The following DOK6 variants were observed in gnomAD, a reference collection of about 807,000 sequenced individuals.
DOK6 encodes docking protein 6, also known as downstream of tyrosine kinase 6.
In DOK6, 22 loss-of-function variants were observed where a neutral mutation model predicts 44.0. The observed-to-expected ratio is 0.50, with a 90% confidence interval of 0.36 to 0.71. The LOEUF (loss-of-function observed/expected upper bound fraction) is 0.71, where lower values mean the gene tolerates loss of function less well. DOK6 is among the 30% of genes least tolerant of loss of function. DOK6 has a pLI of 0.00. For synonymous variants in DOK6, 166 were observed against 145.5 expected (o/e 1.14, Z -1.01); for missense variants, 340 against 416.4 (o/e 0.82, Z 1.60).
At chr18:69,705,138 C>T (rs572605096) in intron 5 of DOK6, 6 of 152,196 alleles carry the variant, frequency 3.9e-5, no homozygotes, top group Non-Finnish European at 8.8e-5. Context: ...CATATTCGAA[C>T]TGGACGTTGG....
At chr18:69,444,753 C>T (rs574280922) in intron 1 of DOK6, among the ~76,000 whole-genome samples, 2 of 151,464 alleles carry the variant, frequency 1.3e-5, no homozygotes, top group African/African-American at 4.9e-5. Flanking sequence ...AAGAAATTCT[C>T]CTGCCTCAGC....
At chr18:69,429,985 A>G (rs1039820667) in intron 1 of DOK6, among the ~76,000 whole-genome samples, 1 of 152,232 alleles carries the variant, frequency 6.6e-6, no homozygotes, top group Admixed American at 6.5e-5. Context: ...GTGAACCATA[A>G]AAACAATCTC....
intron 1 of DOK6, among the ~76,000 whole-genome samples, chr18:69,509,812 A>G (rs1011015390): frequency 5.3e-5 from 8 of 152,180 alleles, no homozygotes; most frequent in Non-Finnish European, 8.8e-5. Context: ...ACATATTTTT[A>G]TTCTAGGGTG....
At chr18:69,837,247 C>T (rs1460092816) in intron 7 of DOK6, among the ~76,000 whole-genome samples, 1 of 152,052 alleles carries the variant, frequency 6.6e-6, no homozygotes, top group African/African-American at 2.4e-5. Context: ...TTGAGGGGCC[C>T]ACATCTAGTG....
chr18:69,480,716 G>A (rs1599151037), intron 1 of DOK6, among the ~76,000 whole-genome samples: 1 of 152,208 alleles, frequency 6.6e-6, no homozygotes, highest in South Asian at 2.1e-4. Flanking sequence ...AAGGAGATAT[G>A]GAGATATGAC....
At chr18:69,494,935 C>T (rs917239846) in intron 1 of DOK6, among the ~76,000 whole-genome samples, 3 of 152,194 alleles carry the variant, frequency 2.0e-5, no homozygotes, top group African/African-American at 7.2e-5. Context: ...AGGCTCTACT[C>T]GGCTCACACT....
rs1054084289 is a variant in DOK6 at position 69,842,035 on chromosome 18, T to C, written c.*652T>C. The C allele has an allele frequency of 5.3e-5, 8 of 151,334 alleles. No homozygotes were observed. Among genetic ancestry groups the C allele is most frequent in the African/African-American group, 1.7e-4 (7 of 41,132 alleles). The allele number at this position is 151,334 out of a possible 1,614,324, so 9.4% of individuals were successfully genotyped here. On this transcript the variant is annotated 3_prime_UTR_variant, in exon 8 of 8. Coordinates refer to ENST00000382713, the MANE Select transcript of DOK6 (RefSeq NM_152721.6). ...ATATATAACAAGTATATATCAAACA[T>C]GTGCTGAGGGTGACAGGATATGCTC...
At chr18:69,406,825 A>C (rs1916214948) in intron 1 of DOK6, among the ~76,000 whole-genome samples, 1 of 152,208 alleles carries the variant, frequency 6.6e-6, no homozygotes, top group Non-Finnish European at 1.5e-5. Flanking sequence ...TCACACCTGT[A>C]ATCTCAACAT....
intron 2 of DOK6, among the ~76,000 whole-genome samples, chr18:69,589,475 A>G (rs1440426340): frequency 6.6e-6 from 1 of 152,104 alleles, no homozygotes; most frequent in Non-Finnish European, 1.5e-5. Context: ...TACTTGAAAA[A>G]ATCTAGAAAG....
chr18:69,566,664 C>T (rs977008296), intron 2 of DOK6, among the ~76,000 whole-genome samples: 3 of 152,112 alleles, frequency 2.0e-5, no homozygotes, highest in Admixed American at 1.3e-4. Context: ...AGTCTTGCCC[C>T]GAAAAAGCTT....
intron 2 of DOK6, among the ~76,000 whole-genome samples, chr18:69,576,447 A>G (rs960741658): frequency 6.6e-6 from 1 of 152,088 alleles, no homozygotes; most frequent in Non-Finnish European, 1.5e-5. Flanking sequence ...AATGTTTGCA[A>G]CCTAAATGAG....
chr18:69,636,585 G>T (rs1026058210), intron 3 of DOK6, among the ~76,000 whole-genome samples: 4 of 152,242 alleles, frequency 2.6e-5, no homozygotes, highest in Non-Finnish European at 4.4e-5. Context: ...TAGCAAAGAA[G>T]AGTTGTCTTA....
intron 3 of DOK6, among the ~76,000 whole-genome samples, chr18:69,616,808 T>A (rs7228021): frequency 2.8e-4 from 42 of 152,144 alleles, no homozygotes; most frequent in African/African-American, 9.2e-4. Context: ...AACTAAGCCC[T>A]CGATAATTGG....
intron 5 of DOK6, among the ~76,000 whole-genome samples, chr18:69,698,963 A>C (rs1285112208): frequency 6.6e-6 from 1 of 152,160 alleles, no homozygotes; most frequent in African/African-American, 2.4e-5. Context: ...CCTTGCTTGC[A>C]TTGTTTTTGT....
chr18:69,600,424 A>G (rs934365731), intron 3 of DOK6, among the ~76,000 whole-genome samples: 1 of 152,106 alleles, frequency 6.6e-6, no homozygotes, highest in Non-Finnish European at 1.5e-5. Context: ...GCCTTTATCC[A>G]TCTGTCCCGG....
At position 69,572,345 on chromosome 18, in the gene DOK6, T is replaced by C. The variant is rs568306772; in HGVS notation, c.174+7751T>C. 1.4e-4 allele frequency among the ~76,000 whole-genome samples: 22 copies of C among 152,242 alleles called. No individual in the cohort carries two copies. The South Asian group carries it at 4.6e-3, about 32-fold the overall frequency. ...GCTTGAGCAACAATGTCAAGGATGA[T>C]GCAGTTCATGGAGATGAGGAAGCCT... On this transcript the variant is annotated intron_variant, in intron 2 of 7. Transcript: ENST00000382713.
At chr18:69,647,041 C>CCTAT (rs1568321128) in intron 3 of DOK6, among the ~76,000 whole-genome samples, 3 of 120,116 alleles carry the variant, frequency 2.5e-5, no homozygotes, top group Non-Finnish European at 3.5e-5. Flanking sequence ...ATCTGTCTAT[C>CCTAT]CTGTCTATCT....
chr18:69,491,689 G>T (rs570408949), intron 1 of DOK6, among the ~76,000 whole-genome samples: 5 of 152,114 alleles, frequency 3.3e-5, no homozygotes, highest in South Asian at 2.1e-4. Context: ...CATGACTGAG[G>T]GTTTTCCAAA....
At chr18:69,712,977 A>G (rs1986802527) in intron 5 of DOK6, among the ~76,000 whole-genome samples, 2 of 152,222 alleles carry the variant, frequency 1.3e-5, no homozygotes, top group Non-Finnish European at 2.9e-5. Context: ...TATTGCTTTC[A>G]AGATACACGA....
Sources: gnomAD v4.1 joint callset for allele counts (sites outside exome capture counted in the v4.1 genomes callset) on GRCh38, gnomAD v4.1.1 for gene constraint, MANE v1.5 for transcripts, NCBI Gene and HGNC (gene_info 2026-07-23, HGNC 2026-07-21) for gene names.